GPR19: variants seen among roughly 807,000 people sequenced by gnomAD.
GPR19 encodes the protein G protein-coupled receptor 19.
A neutral mutation model predicts 28.5 loss-of-function variants in GPR19; 14 were observed. The ratio of observed to expected loss-of-function variants is 0.49; its 90% CI spans 0.32 to 0.77. The LOEUF (loss-of-function observed/expected upper bound fraction) is 0.77. GPR19 is among the 30% of genes least tolerant of loss of function. The probability of loss-of-function intolerance (pLI) is 0.03; values close to 1 mark genes in which losing one functional copy is unlikely to be tolerated. For missense variants in GPR19, 409 were observed against 504.1 expected, an observed-to-expected ratio of 0.81 and a Z score of 1.81; for synonymous variants, 173 against 184.1, an observed-to-expected ratio of 0.94 and a Z score of 0.49.
chr12:12,709,223 G>A, the GPR19 span, among the ~76,000 whole-genome samples: 4 of 151,408 alleles, frequency 2.6e-5, no homozygotes, highest in Non-Finnish European at 5.9e-5. Context: ...CGTAAATGTA[G>A]GGAGTAGCAC....
At chr12:12,680,426 T>C (rs1163368825) in intron 3 of GPR19, among the ~76,000 whole-genome samples, 1 of 152,206 alleles carries the variant, frequency 6.6e-6, no homozygotes, top group Non-Finnish European at 1.5e-5. Flanking sequence ...CTCCAGGAGA[T>C]GACTGCTTTA....
upstream of GPR19, among the ~76,000 whole-genome samples, chr12:12,699,108 T>A (rs1946300207): frequency 6.6e-6 from 1 of 151,872 alleles, no homozygotes; most frequent in African/African-American, 2.4e-5. Context: ...TTTGGGAGGT[T>A]GCAGTGGGTG....
intron 3 of GPR19, among the ~76,000 whole-genome samples, chr12:12,671,089 A>G: frequency 6.6e-6 from 1 of 151,962 alleles, no homozygotes; most frequent in Non-Finnish European, 1.5e-5. Context: ...ATCTGAGGTC[A>G]GGTGTTTAAG....
rs1337587049 is a variant in GPR19, at chr12:12,662,379, G to A, written c.70C>T (p.Gln24Ter). 1.5e-5 allele frequency: 24 copies of A among 1,614,088 alleles called. No homozygotes were observed. Among genetic ancestry groups the A allele is most frequent in the Non-Finnish European group, 2.0e-5 (24 of 1,180,030 alleles). ...GCTGTTTCAGTGCAGCTGCGGTTTT[G>A]GAGGGGCACCAGAAGTGTAGGAATA... ...LIIPTLLVPL[Q>*]NRSCTETATP... Residue 24 changes from glutamine to a stop codon, truncating the protein, a stop_gained, in exon 4 of 4, where the codon CAA becomes TAA. Transcript: ENST00000651487. LOFTEE classifies it high-confidence loss of function.
intron 3 of GPR19, among the ~76,000 whole-genome samples, chr12:12,669,285 A>G (rs1227587724): frequency 6.6e-6 from 1 of 152,218 alleles, no homozygotes; most frequent in Admixed American, 6.5e-5. Flanking sequence ...AGAGTGTGAG[A>G]GTATTGGCAT....
chr12:12,661,181 A>G lies in GPR19; in HGVS notation c.*20T>C. On this transcript the variant is annotated 3_prime_UTR_variant, in exon 4 of 4. Transcript: ENST00000651487. This position sits in a 1 kb window ranked among gnomAD's most constrained non-coding sequence, Gnocchi z 4.2. ...AAAGCTTTTTAATCTCTGGTGCATA[A>G]CAATTGAAAGAATGAGAACTTAGAC... The G allele has an allele frequency of 6.4e-7, 1 of 1,554,806 alleles. No individual in the cohort carries two copies. Among genetic ancestry groups the G allele is most frequent in the South Asian group, 1.2e-5 (1 of 84,478 alleles).
rs778328153 is a variant in GPR19 at position 12,661,673 on chromosome 12, G to A, written c.776C>T (p.Thr259Met). ...YIWRIGTDGR[T>M]VRRTMNIVPR... is the part of the protein sequence containing the mutation. The stretch of plus-strand genomic sequence containing the variant: ...GACAATGTTCATTGTCCTCCTCACC[G>A]TTCGGCCATCTGTGCCTATTCTCCA... Residue 259 changes from threonine (T) to methionine (M), a missense_variant, in exon 4 of 4, where the codon ACG (threonine) becomes ATG (methionine). Transcript: ENST00000651487. This position sits in a 1 kb window ranked among gnomAD's most constrained non-coding sequence, Gnocchi z 4.2. 155 of 1,613,684 alleles carry A rather than the reference G, an allele frequency of 9.6e-5. No individual in the cohort carries two copies. The highest frequency in any genetic ancestry group is 1.2e-4 in the Non-Finnish European group (147 of 1,179,750).
chr12:12,701,654 G>A, the GPR19 span, among the ~76,000 whole-genome samples: 2 of 152,082 alleles, frequency 1.3e-5, no homozygotes, highest in Non-Finnish European at 2.9e-5. Context: ...TCAAAGGCCA[G>A]GCCAGGTGGC....
At chr12:12,681,675 G>A (rs1291972520) in intron 3 of GPR19, among the ~76,000 whole-genome samples, 1 of 152,196 alleles carries the variant, frequency 6.6e-6, no homozygotes. Flanking sequence ...TCGCTCAGCA[G>A]GTAATGTTTG....
At chr12:12,706,346 T>C in the GPR19 span, among the ~76,000 whole-genome samples, 11 of 152,326 alleles carry the variant, frequency 7.2e-5, no homozygotes, top group East Asian at 1.5e-3. Context: ...TAAGGGCTTT[T>C]TCCCTATCTC....
intron 2 of GPR19, among the ~76,000 whole-genome samples, chr12:12,689,757 TAATA>T (rs995540656): frequency 6.6e-6 from 1 of 152,238 alleles, no homozygotes; most frequent in Non-Finnish European, 1.5e-5. Flanking sequence ...TACTTCTTTC[TAATA>T]AATAGAATGT....
At chr12:12,696,308 G>C, upstream of GPR19, 1 of 145,110 alleles carries the variant, frequency 6.9e-6, no homozygotes, top group Admixed American at 7.0e-5. Flanking sequence ...CTAGTATGAA[G>C]GTTTTCCGTG....
intron 3 of GPR19, among the ~76,000 whole-genome samples, chr12:12,681,264 G>C (rs1034941669): frequency 2.0e-5 from 3 of 152,194 alleles, no homozygotes; most frequent in Admixed American, 6.5e-5. Flanking sequence ...GGCAGGCCCT[G>C]ACTCATTTGG....
chr12:12,705,970 C>T, the GPR19 span, among the ~76,000 whole-genome samples: 3 of 152,140 alleles, frequency 2.0e-5, no homozygotes, highest in Non-Finnish European at 2.9e-5. Context: ...TGCTTGCTTC[C>T]CCGTCAGCCA....
chr12:12,681,181 G>A (rs923846076), intron 3 of GPR19, among the ~76,000 whole-genome samples: 2 of 152,120 alleles, frequency 1.3e-5, no homozygotes, highest in Non-Finnish European at 2.9e-5. Flanking sequence ...AAGAAACTAC[G>A]TCCACACTCT....
the GPR19 span, among the ~76,000 whole-genome samples, chr12:12,708,357 AT>A: frequency 0.011 from 1,699 of 151,870 alleles, 15 homozygotes; most frequent in Non-Finnish European, 0.018. Context: ...TGCCTGATGC[AT>A]TTTTTTTCTT....
intron 3 of GPR19, among the ~76,000 whole-genome samples, chr12:12,675,914 C>A (rs1330185236): frequency 6.6e-6 from 1 of 152,198 alleles, no homozygotes; most frequent in Non-Finnish European, 1.5e-5. Context: ...CAAACCCACC[C>A]AGACTTCTGA....
At chr12:12,696,520 A>G (rs558594800), upstream of GPR19, among the ~76,000 whole-genome samples, 2 of 152,366 alleles carry the variant, frequency 1.3e-5, no homozygotes, top group South Asian at 4.1e-4. Context: ...GAGGCCCAGA[A>G]GGCCGCACAA....
At chr12:12,699,370 T>A (rs1254130414), upstream of GPR19, among the ~76,000 whole-genome samples, 9 of 152,098 alleles carry the variant, frequency 5.9e-5, no homozygotes, top group Admixed American at 3.3e-4. Flanking sequence ...ACATACATAT[T>A]AGGGCCAAAT....
Sources: allele counts gnomAD v4.1 joint callset (sites outside exome capture counted in the v4.1 genomes callset), GRCh38; gene constraint gnomAD v4.1.1; non-coding constraint Gnocchi (gnomAD v3.1); transcripts MANE v1.5; gene names NCBI Gene and HGNC (gene_info 2026-07-23, HGNC 2026-07-21).